Variants in LOC128092253 observed in about 807,000 individuals in gnomAD.
At chr6:133,957,060 A>T in the LOC128092253 span, among the ~76,000 whole-genome samples, 2 of 152,210 alleles carry the variant, frequency 1.3e-5, no homozygotes, top group African/African-American at 4.8e-5. Flanking sequence ...GAATCAGGTC[A>T]CATCAGAAAT....
the LOC128092253 span, among the ~76,000 whole-genome samples, chr6:133,969,911 G>A: frequency 6.6e-6 from 1 of 152,162 alleles, no homozygotes; most frequent in Non-Finnish European, 1.5e-5. Flanking sequence ...CATTTGTCTA[G>A]AATGTATCTT....
chr6:133,975,081 A>G, the LOC128092253 span, among the ~76,000 whole-genome samples: 1 of 152,174 alleles, frequency 6.6e-6, no homozygotes, highest in African/African-American at 2.4e-5. Flanking sequence ...AAATCTGTGG[A>G]AGGAAGGAAA....
chr6:133,959,565 T>A, the LOC128092253 span, among the ~76,000 whole-genome samples: 2 of 152,170 alleles, frequency 1.3e-5, no homozygotes, highest in African/African-American at 4.8e-5. Flanking sequence ...CACTGCAACC[T>A]CCATCTTCTG....
chr6:133,955,183 C>G, the LOC128092253 span, among the ~76,000 whole-genome samples: 6 of 150,334 alleles, frequency 4.0e-5, no homozygotes, highest in African/African-American at 1.5e-4. Flanking sequence ...TGAGACTTGA[C>G]GAAGTGTCCC....
chr6:133,958,974 C>G, the LOC128092253 span, among the ~76,000 whole-genome samples: 1 of 152,106 alleles, frequency 6.6e-6, no homozygotes, highest in South Asian at 2.1e-4. Flanking sequence ...ATGATCATGA[C>G]TGTTGCACCA....
chr6:133,957,603 AGTTAC>A, the LOC128092253 span, among the ~76,000 whole-genome samples: 1 of 152,250 alleles, frequency 6.6e-6, no homozygotes, highest in South Asian at 2.1e-4. Flanking sequence ...GATCAGAATC[AGTTAC>A]GTTTTCTTGA....
chr6:133,966,621 A>T, the LOC128092253 span, among the ~76,000 whole-genome samples: 7 of 151,998 alleles, frequency 4.6e-5, no homozygotes, highest in Non-Finnish European at 7.4e-5. Flanking sequence ...CGAATTGTTA[A>T]CCCCTCCTAC....
the LOC128092253 span, among the ~76,000 whole-genome samples, chr6:133,954,750 T>G: frequency 6.6e-6 from 1 of 152,176 alleles, no homozygotes; most frequent in Admixed American, 6.5e-5. Flanking sequence ...TAAACCTGAC[T>G]TCTCCTAAGC....
chr6:133,971,546 T>C, the LOC128092253 span, among the ~76,000 whole-genome samples: 1 of 151,306 alleles, frequency 6.6e-6, no homozygotes, highest in Non-Finnish European at 1.5e-5. Flanking sequence ...GTGTAAAGTA[T>C]TCCCTTTCCT....
chr6:133,959,150 G>C, the LOC128092253 span, among the ~76,000 whole-genome samples: 1 of 151,834 alleles, frequency 6.6e-6, no homozygotes, highest in African/African-American at 2.4e-5. Flanking sequence ...AGTGATTCTT[G>C]TGCCTCAGAC....
chr6:133,960,509 C>T, the LOC128092253 span, among the ~76,000 whole-genome samples: 11 of 150,478 alleles, frequency 7.3e-5, no homozygotes, highest in Middle Eastern at 6.9e-3. Context: ...GTGCGCAGTA[C>T]AAAACAACTT....
the LOC128092253 span, among the ~76,000 whole-genome samples, chr6:133,972,566 A>G: frequency 2.0e-5 from 3 of 152,202 alleles, no homozygotes; most frequent in Non-Finnish European, 4.4e-5. Context: ...TGTGCTGCGT[A>G]GTCATTATGG....
the LOC128092253 span, among the ~76,000 whole-genome samples, chr6:133,955,562 T>C: frequency 2.0e-5 from 3 of 152,196 alleles, no homozygotes; most frequent in Admixed American, 1.3e-4. Context: ...TGTTCTGTAT[T>C]CATTCTGAGT....
the LOC128092253 span, among the ~76,000 whole-genome samples, chr6:133,962,569 T>C: frequency 1.3e-4 from 20 of 152,062 alleles, no homozygotes; most frequent in African/African-American, 4.8e-4. Flanking sequence ...GCTTAATGAG[T>C]TTTGTTTGTA....
chr6:133,962,825 T>C, the LOC128092253 span, among the ~76,000 whole-genome samples: 2 of 152,078 alleles, frequency 1.3e-5, no homozygotes, highest in Non-Finnish European at 1.5e-5. Flanking sequence ...TTTCAGGGGG[T>C]TCCTAACCTG....
At chr6:133,975,856 T>C in the LOC128092253 span, among the ~76,000 whole-genome samples, 1 of 152,210 alleles carries the variant, frequency 6.6e-6, no homozygotes, top group Non-Finnish European at 1.5e-5. Flanking sequence ...ATGTTTATTT[T>C]TTAAGCTGAA....
the LOC128092253 span, among the ~76,000 whole-genome samples, chr6:133,962,027 T>C: frequency 1.3e-5 from 2 of 152,162 alleles, no homozygotes; most frequent in Non-Finnish European, 2.9e-5. Flanking sequence ...TATGCAATTA[T>C]GCGTAAAAGT....
chr6:133,965,367 T>G, the LOC128092253 span, among the ~76,000 whole-genome samples: 1 of 152,180 alleles, frequency 6.6e-6, no homozygotes, highest in African/African-American at 2.4e-5. Flanking sequence ...ATCATAAACT[T>G]GTATCACAAT....
the LOC128092253 span, among the ~76,000 whole-genome samples, chr6:133,978,993 A>C: frequency 9.2e-5 from 14 of 152,336 alleles, no homozygotes; most frequent in Admixed American, 9.2e-4. Context: ...ATGCAAAGAG[A>C]GAATTTTTTA....
Sources: allele counts gnomAD v4.1 joint callset (sites outside exome capture counted in the v4.1 genomes callset), GRCh38; gene constraint gnomAD v4.1.1; transcripts MANE v1.5.